Variants in LRBA observed in about 807,000 individuals in gnomAD.
The protein encoded by LRBA is lipopolysaccharide-responsive and beige-like anchor protein.
A neutral mutation model predicts 330.0 loss-of-function variants in LRBA; 176 were observed. The observed-to-expected ratio is 0.53, with a 90% confidence interval of 0.47 to 0.60. The LOEUF (loss-of-function observed/expected upper bound fraction) is 0.60, where lower values mean the gene tolerates loss of function less well. LRBA is among the 20% of genes least tolerant of loss of function. The probability of loss-of-function intolerance (pLI) is 0.00; values close to 1 mark genes in which losing one functional copy is unlikely to be tolerated. For missense variants in LRBA, 3,259 were observed against 3,444.8 expected (o/e 0.95, Z 1.35); for synonymous variants, 1,230 against 1,193.0 (o/e 1.03, Z -0.64).
In LRBA at chr4:150,912,239, C is replaced by T. The variant is rs374042936; in HGVS notation, c.1161+1956G>A. Among the ~76,000 whole-genome samples the T allele has an allele frequency of 1.7e-4, 26 of 152,190 alleles. 1 individual carries two copies. The highest frequency in any genetic ancestry group is 5.8e-4 in the African/African-American group (24 of 41,528). On this transcript the variant is annotated intron_variant, in intron 9 of 56. Transcript: ENST00000651943. ...GTTAGGAACAACAGCAAGAAGTGAG[C>T]GGTGGGCAAGCAAGCAAAGCTTCAT...
At chr4:150,415,623 A>G in intron 46 of LRBA, 33 bp from the exon 47 acceptor site, 4 of 1,282,048 alleles carry the variant, frequency 3.1e-6, no homozygotes, top group Non-Finnish European at 4.5e-6. Context: ...GTGATATTAT[A>G]AACTGTAGGA....
chr4:150,852,222 G>A lies in LRBA; in HGVS notation c.3488C>T (p.Thr1163Ile). Residue 1163 changes from threonine (T) to isoleucine (I), a missense_variant, in exon 23 of 57, where the codon ACT (threonine) becomes ATT (isoleucine). Thr to Ile is a moderately conservative substitution (Grantham distance 89, BLOSUM62 -1). Coordinates refer to ENST00000651943, the MANE Select transcript of LRBA (RefSeq NM_001364905.1). ...KLIFQEGKPV[T>I]EKQTDTETQD... ...AGTTTCAGTATCAGTTTGCTTTTCA[G>A]TAACAGGTTTTCCTTCTTGAAATAT... 6.2e-7 allele frequency: 1 copy of A among 1,614,052 alleles called. No homozygotes were observed. The highest frequency in any genetic ancestry group is 8.5e-7 in the Non-Finnish European group (1 of 1,179,996).
At chr4:150,695,663 T>C (rs1784553082) in intron 36 of LRBA, among the ~76,000 whole-genome samples, 1 of 152,176 alleles carries the variant, frequency 6.6e-6, no homozygotes, top group Non-Finnish European at 1.5e-5. Flanking sequence ...CAATTCCGCA[T>C]GGATCCAGAG....
intron 2 of LRBA, among the ~76,000 whole-genome samples, chr4:150,990,665 G>C (rs1284951031): frequency 1.3e-5 from 2 of 152,190 alleles, no homozygotes; most frequent in Non-Finnish European, 2.9e-5. Flanking sequence ...GAGCCCAGGA[G>C]GTTGAGGCTA....
chr4:150,598,811 T>C (rs1773793635), intron 38 of LRBA, among the ~76,000 whole-genome samples, 196 bp downstream of exon 38: 1 of 152,206 alleles, frequency 6.6e-6, no homozygotes, highest in Non-Finnish European at 1.5e-5. Context: ...GTAACATAAT[T>C]AATAAATATA....
rs759617433 is a variant in LRBA, at chr4:150,916,487, C to T, written c.808G>A (p.Val270Ile). 1 of 1,613,834 alleles carries T rather than the reference C, an allele frequency of 6.2e-7. No individual in the cohort carries two copies. Among genetic ancestry groups the T allele is most frequent in the East Asian group, 2.2e-5 (1 of 44,776 alleles). Residue 270 changes from valine (V) to isoleucine (I), a missense_variant, in exon 7 of 57, where the codon GTT becomes ATT. By Grantham distance (29) the Val-to-Ile change is conservative. Transcript: ENST00000651943. ...SKGLGYSAHFVGGCLIVTSIK... is the reference protein window; with the variant it reads ...SKGLGYSAHFIGGCLIVTSIK... ...GATGTTACAATCAAACAGCCTCCAA[C>T]AAAATGAGCAGAATAGCCAAGACCT...
At chr4:150,670,661 G>C (rs141497057) in intron 37 of LRBA, among the ~76,000 whole-genome samples, 51 of 152,298 alleles carry the variant, frequency 3.3e-4, no homozygotes, top group African/African-American at 1.1e-3. Context: ...GGTGATATAA[G>C]TATGTATGCT....
intron 2 of LRBA, among the ~76,000 whole-genome samples, chr4:150,930,146 C>G (rs1734326731): frequency 6.6e-6 from 1 of 151,990 alleles, no homozygotes; most frequent in Admixed American, 6.6e-5. Context: ...GAAACCCCAT[C>G]TCTACTAAAA....
At chr4:150,472,700 C>A (rs371090213) in intron 42 of LRBA, among the ~76,000 whole-genome samples, 104 of 152,186 alleles carry the variant, frequency 6.8e-4, no homozygotes, top group African/African-American at 2.3e-3. Flanking sequence ...CTCTAGTAAA[C>A]CCACCTTTTC....
chr4:150,679,434 T>C (rs1406467898), intron 37 of LRBA, among the ~76,000 whole-genome samples: 1 of 152,204 alleles, frequency 6.6e-6, no homozygotes, highest in Non-Finnish European at 1.5e-5. Flanking sequence ...AGTTTCGATT[T>C]CACAAGGCCA....
intron 37 of LRBA, among the ~76,000 whole-genome samples, chr4:150,661,533 T>C (rs1489424172): frequency 6.6e-6 from 1 of 151,596 alleles, no homozygotes; most frequent in African/African-American, 2.4e-5. Context: ...AACTTTTATG[T>C]CCATTAAATA....
intron 42 of LRBA, among the ~76,000 whole-genome samples, chr4:150,481,284 T>G (rs1015896140): frequency 6.6e-6 from 1 of 152,130 alleles, no homozygotes; most frequent in Non-Finnish European, 1.5e-5. Context: ...GTGTGAACAG[T>G]CCTGCAATAA....
chr4:150,628,457 GAAT>G (rs1275243313), intron 37 of LRBA, among the ~76,000 whole-genome samples: 2 of 152,050 alleles, frequency 1.3e-5, no homozygotes, highest in Non-Finnish European at 2.9e-5. Context: ...TAACTTTCAC[GAAT>G]AATGAGTTTT....
intron 33 of LRBA, among the ~76,000 whole-genome samples, chr4:150,805,569 AGG>A (rs1742627242): frequency 7.9e-6 from 1 of 126,400 alleles, no homozygotes; most frequent in Admixed American, 7.7e-5. Context: ...AGGAAAGGAA[AGG>A]AAAGGAAAGG....
intron 2 of LRBA, among the ~76,000 whole-genome samples, chr4:151,009,502 T>A (rs1744550691): frequency 6.9e-6 from 1 of 145,356 alleles, no homozygotes; most frequent in African/African-American, 2.6e-5. Flanking sequence ...TGAGCCAAGA[T>A]CGCGCCACTG....
intron 19 of LRBA, among the ~76,000 whole-genome samples, chr4:150,871,143 T>G (rs1560942807): frequency 6.6e-6 from 1 of 152,136 alleles, no homozygotes; most frequent in Non-Finnish European, 1.5e-5. Flanking sequence ...CTGGGGAGGC[T>G]GAGACAGGAG....
chr4:151,005,012 G>T (rs1174464614), intron 2 of LRBA, among the ~76,000 whole-genome samples: 1 of 151,720 alleles, frequency 6.6e-6, no homozygotes, highest in Non-Finnish European at 1.5e-5. Flanking sequence ...AAAGAAGGTA[G>T]GGAAAAAAGA....
At chr4:150,781,591 C>G (rs1309917113) in intron 34 of LRBA, among the ~76,000 whole-genome samples, 1 of 152,138 alleles carries the variant, frequency 6.6e-6, no homozygotes. Flanking sequence ...CTGTTTTAAA[C>G]CATTGTTTGA....
chr4:150,792,659 C>T (rs1156589317), intron 34 of LRBA, among the ~76,000 whole-genome samples: 2 of 152,096 alleles, frequency 1.3e-5, no homozygotes, highest in African/African-American at 4.8e-5. Context: ...GCACATGCTA[C>T]CAAGTTCAGT....
Sources: allele counts gnomAD v4.1 joint callset (sites outside exome capture counted in the v4.1 genomes callset), GRCh38; gene constraint gnomAD v4.1.1; transcripts MANE v1.5; gene names NCBI Gene and HGNC (gene_info 2026-07-23, HGNC 2026-07-21).